The following SCARA5 variants were observed in gnomAD, a reference collection of about 807,000 sequenced individuals.
The protein encoded by SCARA5 is scavenger receptor class A member 5, also known as scavenger receptor class A, member 5 (putative).
SCARA5 carries 45 observed loss-of-function variants against 46.3 expected under a neutral mutation model. The observed-to-expected ratio is 0.97, with a 90% CI of 0.76 to 1.24. The LOEUF (loss-of-function observed/expected upper bound fraction) is 1.24. Ranked by LOEUF, SCARA5 falls within the 50% of genes most tolerant of loss-of-function variation. The pLI, the probability that SCARA5 is intolerant of heterozygous loss-of-function variation, is 0.00. For missense variants in SCARA5, 680 were observed against 689.0 expected, an observed-to-expected ratio of 0.99 and a Z score of 0.15; for synonymous variants, 333 against 306.5, an observed-to-expected ratio of 1.09 and a Z score of -0.90.
intron 8 of SCARA5, among the ~76,000 whole-genome samples, chr8:27,878,711 G>A (rs987318134): frequency 1.3e-5 from 2 of 152,226 alleles, no homozygotes; most frequent in African/African-American, 4.8e-5. Context: ...ACCTGCTTGG[G>A]CCTAAACATC....
intron 2 of SCARA5, among the ~76,000 whole-genome samples, chr8:27,983,310 C>T (rs565213166): frequency 8.5e-5 from 13 of 152,196 alleles, no homozygotes; most frequent in East Asian, 3.9e-4. Context: ...GGGGCACTCA[C>T]GCTTGCTGGC....
At chr8:27,989,990 C>T (rs1285238936) in intron 1 of SCARA5, among the ~76,000 whole-genome samples, 1 of 152,264 alleles carries the variant, frequency 6.6e-6, no homozygotes, top group Admixed American at 6.5e-5. Flanking sequence ...AAGGCAATAG[C>T]CTCTGCTTCC....
At chr8:27,945,721 A>G (rs1175945519) in intron 3 of SCARA5, among the ~76,000 whole-genome samples, 1 of 152,228 alleles carries the variant, frequency 6.6e-6, no homozygotes, top group Non-Finnish European at 1.5e-5. Flanking sequence ...AGTATGTATT[A>G]GACACTTTAT....
chr8:27,894,400 A>C (rs543619297), intron 7 of SCARA5, among the ~76,000 whole-genome samples: 114 of 152,296 alleles, frequency 7.5e-4, no homozygotes, highest in Middle Eastern at 3.4e-3. Flanking sequence ...ATCTCACAAC[A>C]GCCCTATGGG....
At chr8:27,905,607 T>C (rs529817965) in intron 6 of SCARA5, among the ~76,000 whole-genome samples, 3 of 146,956 alleles carry the variant, frequency 2.0e-5, no homozygotes, top group South Asian at 2.2e-4. Flanking sequence ...CTCCAAAGCA[T>C]TGACAGTAGT....
intron 3 of SCARA5, among the ~76,000 whole-genome samples, chr8:27,930,951 A>C (rs1245028017): frequency 2.0e-5 from 3 of 152,204 alleles, no homozygotes; most frequent in Non-Finnish European, 2.9e-5. Context: ...GATGGGACGG[A>C]ACGCCACTGC....
intron 3 of SCARA5, among the ~76,000 whole-genome samples, chr8:27,936,207 G>A (rs951204594): frequency 6.6e-6 from 1 of 152,032 alleles, no homozygotes; most frequent in Admixed American, 6.5e-5. Flanking sequence ...CATCCGCTGG[G>A]GGCTCTAGGG....
chr8:27,953,847 GA>G (rs941301528), intron 3 of SCARA5, among the ~76,000 whole-genome samples: 25 of 152,304 alleles, frequency 1.6e-4, no homozygotes, highest in African/African-American at 4.6e-4. Context: ...AAAGGTTGAA[GA>G]TTTTTTTTTT....
chr8:27,973,650 C>A (rs1446426424), intron 2 of SCARA5, among the ~76,000 whole-genome samples: 1 of 152,110 alleles, frequency 6.6e-6, no homozygotes, highest in African/African-American at 2.4e-5. Context: ...TTAGTCATAC[C>A]AAGGCCTGAG....
At chr8:27,950,408 G>A (rs1302522850) in intron 3 of SCARA5, among the ~76,000 whole-genome samples, 3 of 74,002 alleles carry the variant, frequency 4.1e-5, no homozygotes, top group Non-Finnish European at 9.4e-5. Context: ...CCTCATGCCC[G>A]TGCTTGGGGG....
chr8:27,948,260 C>T (rs1040083749), intron 3 of SCARA5, among the ~76,000 whole-genome samples: 5 of 151,808 alleles, frequency 3.3e-5, no homozygotes, highest in African/African-American at 9.7e-5. Flanking sequence ...AGGGTGAGGG[C>T]GGTGACTTAG....
chr8:27,954,375 C>G (rs955950547), intron 3 of SCARA5, among the ~76,000 whole-genome samples: 1 of 152,136 alleles, frequency 6.6e-6, no homozygotes, highest in Non-Finnish European at 1.5e-5. Context: ...AACCTCCCAC[C>G]CACTCCACCA....
intron 7 of SCARA5, among the ~76,000 whole-genome samples, chr8:27,886,286 C>T (rs1806894298): frequency 6.6e-6 from 1 of 152,208 alleles, no homozygotes. Flanking sequence ...TGCTGCCTGC[C>T]CCAGCAGGGT....
At chr8:27,875,461 G>A (rs1806709870) in intron 8 of SCARA5, among the ~76,000 whole-genome samples, 1 of 152,166 alleles carries the variant, frequency 6.6e-6, no homozygotes, top group African/African-American at 2.4e-5. Flanking sequence ...GAGCATGGAA[G>A]GAGCCAGAAA....
chr8:27,879,510 G>T, intron 8 of SCARA5, 59 bp downstream of exon 8: 2 of 1,522,608 alleles, frequency 1.3e-6, no homozygotes, highest in Non-Finnish European at 1.8e-6. Flanking sequence ...TTGGAGGTGA[G>T]CCCAGTCCTA....
intron 7 of SCARA5, among the ~76,000 whole-genome samples, chr8:27,893,682 T>C (rs543239462): frequency 6.6e-6 from 1 of 152,306 alleles, no homozygotes; most frequent in South Asian, 2.1e-4. Context: ...CATTACAGGA[T>C]TTTAAAGCCA....
Position 27,871,807 on chromosome 8 carries a change from G to A in SCARA5, c.*127C>T. 1 of 1,545,556 alleles carries A rather than the reference G, an allele frequency of 6.5e-7. No homozygotes were observed. Among genetic ancestry groups the A allele is most frequent in the African/African-American group, 1.4e-5 (1 of 73,822 alleles). On this transcript the variant is annotated 3_prime_UTR_variant, in exon 9 of 9. Coordinates refer to ENST00000354914, the MANE Select transcript of SCARA5 (RefSeq NM_173833.6). ...GCCCCCACGGTCCTGGGATGCAGGT[G>A]TGAGGACTGAGAATGCTGGACGGGG...
At chr8:27,930,238 G>A (rs1585496451) in intron 3 of SCARA5, among the ~76,000 whole-genome samples, 3 of 152,070 alleles carry the variant, frequency 2.0e-5, no homozygotes, top group East Asian at 3.9e-4. Context: ...GGTCTTTCTC[G>A]TGCTTTTCTC....
chr8:27,963,517 C>A (rs1264950895), intron 3 of SCARA5, among the ~76,000 whole-genome samples: 4 of 152,112 alleles, frequency 2.6e-5, no homozygotes, highest in Non-Finnish European at 5.9e-5. Context: ...GGAAGAGAAC[C>A]CAGTGCCAGC....
Sources: allele counts gnomAD v4.1 joint callset (sites outside exome capture counted in the v4.1 genomes callset), GRCh38; gene constraint gnomAD v4.1.1; transcripts MANE v1.5; gene names NCBI Gene and HGNC (gene_info 2026-07-23, HGNC 2026-07-21).